Variants in DNAJC11 observed in about 807,000 individuals in gnomAD.
The protein encoded by DNAJC11 is dnaJ homolog subfamily C member 11.
Under a neutral mutation model 78.6 loss-of-function variants are expected in DNAJC11, and 15 were observed. The ratio of observed to expected loss-of-function variants is 0.19; its 90% confidence interval spans 0.13 to 0.29. The LOEUF (loss-of-function observed/expected upper bound fraction) is 0.29, where lower values mean the gene tolerates loss of function less well. Ranked by LOEUF, DNAJC11 falls within the 10% of genes least tolerant of loss-of-function variation. The pLI, the probability that DNAJC11 is intolerant of heterozygous loss-of-function variation, is 1.00. For synonymous variants in DNAJC11, 292 were observed against 272.1 expected (o/e 1.07, Z -0.72); for missense variants, 547 against 709.6 (o/e 0.77, Z 2.60).
At chr1:6,671,053 G>A in intron 3 of DNAJC11, 1 of 152,170 alleles carries the variant, frequency 6.6e-6, no homozygotes, top group East Asian at 1.9e-4. Context: ...CAGTGGACCT[G>A]ACTGTGGAGC....
At position 6,634,319 on chromosome 1, in the gene DNAJC11, C is replaced by T. The variant is rs891822833; in HGVS notation, c.*1356G>A. On this transcript the variant is annotated 3_prime_UTR_variant, in exon 16 of 16. Coordinates refer to ENST00000377577, the MANE Select transcript of DNAJC11 (RefSeq NM_018198.4). ...ATGCAACACGACGCTCACCGCGGCT[C>T]GGGCCGTGGGGCCGTCAGAGAAACC... The T allele has an allele frequency of 3.0e-5, 30 of 1,009,286 alleles. No homozygotes were observed. Among genetic ancestry groups the T allele is most frequent in the South Asian group, 8.5e-5 (5 of 58,724 alleles). 62.5% of individuals were successfully genotyped at this position (1,009,286 alleles called of 1,614,324 possible).
intron 4 of DNAJC11, among the ~76,000 whole-genome samples, chr1:6,663,547 G>A (rs1022545681): frequency 6.6e-6 from 1 of 152,216 alleles, no homozygotes; most frequent in Non-Finnish European, 1.5e-5. Flanking sequence ...TAAAATGCAA[G>A]AAATGCGGAT....
At position 6,651,512 on chromosome 1, in the gene DNAJC11, C is replaced by T. The variant is rs1405771980; in HGVS notation, c.704+17G>A. On this transcript the variant is annotated intron_variant, in intron 7 of 15. Transcript: ENST00000377577. ...AACAAAGACCACCAAAGAGGAGCTG[C>T]TGTCTCTCATATTTACCATCTTGGT... 6.2e-7 allele frequency: 1 copy of T among 1,610,886 alleles called. No homozygotes were observed. The highest frequency in any genetic ancestry group is 8.5e-7 in the Non-Finnish European group (1 of 1,177,264).
rs111522035 is a variant in DNAJC11 at position 6,661,528 on chromosome 1, T to C, written c.378+6181A>G. ...TCTATCCCGATTGCCAAGACCACTC[T>C]TCTTCTCCAGGGTTTCAGTTTCATT... On this transcript the variant is annotated intron_variant, in intron 4 of 15. Coordinates refer to ENST00000377577, the MANE Select transcript of DNAJC11 (RefSeq NM_018198.4). 8.8e-3 allele frequency among the ~76,000 whole-genome samples: 557 copies of C among 62,950 alleles called. 4 individuals are homozygous for C. The highest frequency in any genetic ancestry group is 0.037 in the African/African-American group (526 of 14,276). 41.3% of individuals were successfully genotyped at this position (62,950 alleles called of 152,430 possible). A position where few individuals can be genotyped will look rare whatever the true frequency, so the allele number is the denominator to read the frequency against.
At chr1:6,649,314 C>G (rs1024765193) in intron 7 of DNAJC11, among the ~76,000 whole-genome samples, 1 of 151,960 alleles carries the variant, frequency 6.6e-6, no homozygotes, top group Admixed American at 6.6e-5. Context: ...GGACTAAAGG[C>G]GCCCGCCACC....
chr1:6,649,185 C>CT lies in DNAJC11; in HGVS notation c.704+2343dup, dbSNP rs879310876. Among the ~76,000 whole-genome samples, 294 of 144,874 alleles carry CT rather than the reference C, an allele frequency of 2.0e-3. 1 individual carries two copies. Among genetic ancestry groups the CT allele is most frequent in the African/African-American group, 4.8e-3 (191 of 39,710 alleles). ...CCTCTTCTTGTGTCTGGAAGCACTG[C>CT]TTTTTTTTTTTTGAGACAGAGTCGC... On this transcript the variant is annotated intron_variant, in intron 7 of 15. Transcript: ENST00000377577.
intron 1 of DNAJC11, among the ~76,000 whole-genome samples, chr1:6,690,633 C>G (rs544977617): frequency 6.6e-6 from 1 of 152,178 alleles, no homozygotes; most frequent in Admixed American, 6.5e-5. Context: ...TCACTTAAAA[C>G]CCCTGAATTG....
Position 6,634,482 on chromosome 1 carries a change from G to A in DNAJC11, c.*1193C>T, listed in dbSNP as rs1227000528. The A allele has an allele frequency of 1.5e-6, 2 of 1,329,372 alleles. No individual in the cohort carries two copies. Among genetic ancestry groups the A allele is most frequent in the Non-Finnish European group, 1.0e-6 (1 of 1,003,158 alleles). The allele number at this position is 1,329,372 out of a possible 1,614,324, so 82.3% of individuals were successfully genotyped here. The stretch of plus-strand genomic sequence containing the variant: ...CCTGACTTCAGCAACAGCTGTGGGT[G>A]GGCTGGAGGCCGGCGCAGCTTGGGG... On this transcript the variant is annotated 3_prime_UTR_variant, in exon 16 of 16. Coordinates refer to ENST00000377577, the MANE Select transcript of DNAJC11 (RefSeq NM_018198.4).
chr1:6,674,899 C>T (rs1046630081), intron 3 of DNAJC11, among the ~76,000 whole-genome samples: 11 of 152,168 alleles, frequency 7.2e-5, no homozygotes, highest in Non-Finnish European at 7.3e-5. Context: ...ATGCCCTTCA[C>T]CCTTCACTGA....
chr1:6,637,479 C>T lies in DNAJC11; in HGVS notation c.1349G>A (p.Arg450Gln), dbSNP rs199968865. Residue 450 changes from arginine to glutamine, a missense_variant, in exon 13 of 16, where the codon CGA becomes CAA. Physicochemically the swap from Arg to Gln is conservative, Grantham distance 43 (BLOSUM62 1). Transcript: ENST00000377577. The stretch of plus-strand genomic sequence containing the variant: ...GGACTCTTCTGCCTCAATTATCCTT[C>T]GGACAGATTCCTGCATCAGCCGGAC... ...SAVRLMQESVRRIIEAEESRM... is the reference protein window; with the variant it reads ...SAVRLMQESVQRIIEAEESRM... 13 of 1,614,098 alleles carry T rather than the reference C, an allele frequency of 8.1e-6. No individual in the cohort carries two copies. The African/African-American group carries it at 1.1e-4, about 13-fold the overall frequency.
In DNAJC11 at chr1:6,680,397, T is replaced by C. The variant is rs936064826; in HGVS notation, c.202+511A>G. On this transcript the variant is annotated intron_variant, in intron 2 of 15. Coordinates refer to ENST00000377577, the MANE Select transcript of DNAJC11 (RefSeq NM_018198.4). The surrounding 1 kb of genome is among the most constrained non-coding windows in gnomAD (Gnocchi z 4.0). ...TTTTATAAACAAATATATCACAGAA[T>C]GTTCTTTCTGACATACATAAGACAT... Among the ~76,000 whole-genome samples the C allele has an allele frequency of 3.9e-5, 6 of 152,200 alleles. No homozygotes were observed. Among genetic ancestry groups the C allele is most frequent in the Admixed American group, 1.3e-4 (2 of 15,282 alleles).
At chr1:6,658,010 T>C (rs1285732135) in intron 4 of DNAJC11, among the ~76,000 whole-genome samples, 3 of 152,178 alleles carry the variant, frequency 2.0e-5, no homozygotes, top group Non-Finnish European at 2.9e-5. Flanking sequence ...TTTCAAATCC[T>C]GTGTTGTCAT....
At chr1:6,666,186 C>T (rs1642290892) in intron 4 of DNAJC11, among the ~76,000 whole-genome samples, 1 of 152,142 alleles carries the variant, frequency 6.6e-6, no homozygotes, top group African/African-American at 2.4e-5. Flanking sequence ...GATACACAAG[C>T]TTCATTCCCA....
Position 6,701,711 on chromosome 1 carries a change from T to C in DNAJC11, c.72+18A>G. The C allele has an allele frequency of 6.5e-7, 1 of 1,534,428 alleles. No individual in the cohort carries two copies. Among genetic ancestry groups the C allele is most frequent in the Non-Finnish European group, 8.7e-7 (1 of 1,145,478 alleles). On this transcript the variant is annotated intron_variant, in intron 1 of 15. Transcript: ENST00000377577. Reference sequence around the variant, plus strand: ...GGGCTCGGCCTCAGCCCCCAGAGCGTCCAGCCGCTGGCCTCACCTCCCTGC... The same window carrying C: ...GGGCTCGGCCTCAGCCCCCAGAGCGCCCAGCCGCTGGCCTCACCTCCCTGC...
rs566578064 is a variant in DNAJC11 at position 6,681,462 on chromosome 1, G to A, written c.73-425C>T. On this transcript the variant is annotated intron_variant, in intron 1 of 15. Transcript: ENST00000377577. ...AATGACATCAATTTAATGACATAACGAACATGAATCCTTGAAATTCAAAGA... is the reference window on the plus strand; with the variant it reads ...AATGACATCAATTTAATGACATAACAAACATGAATCCTTGAAATTCAAAGA... Among the ~76,000 whole-genome samples the A allele has an allele frequency of 2.0e-5, 3 of 152,240 alleles. No individual in the cohort carries two copies. The East Asian group carries it at 5.8e-4, about 29-fold the overall frequency.
chr1:6,666,587 A>T (rs1642298340), intron 4 of DNAJC11, among the ~76,000 whole-genome samples: 1 of 151,654 alleles, frequency 6.6e-6, no homozygotes, highest in African/African-American at 2.4e-5. Flanking sequence ...TTTTTAGTAG[A>T]GATGGGGTTT....
Position 6,645,754 on chromosome 1 carries a change from C to T in DNAJC11, c.894+35G>A. 1 of 1,607,498 alleles carries T rather than the reference C, an allele frequency of 6.2e-7. No individual in the cohort carries two copies. The highest frequency in any genetic ancestry group is 8.5e-7 in the Non-Finnish European group (1 of 1,174,936). ...CTTGGGAGGAGGGGTCCTCCCAGAG[C>T]TCTGTCTGCAGGAGATGATGGCTGC... On this transcript the variant is annotated intron_variant, in intron 8 of 15. Coordinates refer to ENST00000377577, the MANE Select transcript of DNAJC11 (RefSeq NM_018198.4). The surrounding 1 kb of genome is among the most constrained non-coding windows in gnomAD (Gnocchi z 4.1).
chr1:6,649,416 G>A (rs777916044), intron 7 of DNAJC11, among the ~76,000 whole-genome samples: 2 of 151,914 alleles, frequency 1.3e-5, no homozygotes, highest in Admixed American at 1.3e-4. Flanking sequence ...TGATCCACCC[G>A]CCTCGGCCTC....
rs1344144495 is a variant in DNAJC11, at chr1:6,634,356, T to TG, written c.*1318dup. ...CCGTCAGAGAAACCTTTTTAAAAAA[T>TG]GGAGATGAATGTTACAGAATTGGAC... On this transcript the variant is annotated 3_prime_UTR_variant, in exon 16 of 16. Coordinates refer to ENST00000377577, the MANE Select transcript of DNAJC11 (RefSeq NM_018198.4). 1.4e-5 allele frequency: 15 copies of TG among 1,097,064 alleles called. No individual in the cohort carries two copies. Among genetic ancestry groups the TG allele is most frequent in the South Asian group, 3.3e-5 (2 of 61,150 alleles). 68.0% of individuals were successfully genotyped at this position (1,097,064 alleles called of 1,614,324 possible).
Sources: allele counts gnomAD v4.1 joint callset (sites outside exome capture counted in the v4.1 genomes callset), GRCh38; gene constraint gnomAD v4.1.1; non-coding constraint Gnocchi (gnomAD v3.1); transcripts MANE v1.5; gene names NCBI Gene and HGNC (gene_info 2026-07-23, HGNC 2026-07-21).